Variants in FRMPD3 observed in about 807,000 individuals in gnomAD.
The protein encoded by FRMPD3 is FERM and PDZ domain containing 3.
FRMPD3 carries 42 observed loss-of-function variants against 97.9 expected under a neutral mutation model. That is an observed-to-expected ratio of 0.43 (90% CI 0.34 to 0.55). The LOEUF (loss-of-function observed/expected upper bound fraction) is 0.55, where lower values mean the gene tolerates loss of function less well. FRMPD3 is among the 20% of genes least tolerant of loss of function. FRMPD3 has a pLI of 0.03. For synonymous variants in FRMPD3, 577 were observed against 581.1 expected (o/e 0.99, Z 0.10); for missense variants, 1,303 against 1,457.7 (o/e 0.89, Z 1.73).
chrX:107,561,607 A>G (rs753047959), intron 10 of FRMPD3, among the ~76,000 whole-genome samples: 1 of 111,734 alleles, frequency 8.9e-6, no homozygotes, highest in African/African-American at 3.2e-5. Flanking sequence ...GTAAGATTCA[A>G]TCTGCCTGTG....
intron 8 of FRMPD3, among the ~76,000 whole-genome samples, chrX:107,557,175 G>A (rs746561005): frequency 2.7e-5 from 3 of 111,093 alleles, no homozygotes; most frequent in Non-Finnish European, 5.7e-5. Context: ...CTGATAGTGC[G>A]TAGTGGCATC....
intron 4 of FRMPD3, among the ~76,000 whole-genome samples, chrX:107,534,516 T>C (rs775884930): frequency 9.0e-6 from 1 of 110,904 alleles, no homozygotes; most frequent in East Asian, 2.8e-4. Flanking sequence ...AGATTTTCCA[T>C]AGAGAGATGA....
intron 1 of FRMPD3, among the ~76,000 whole-genome samples, chrX:107,474,996 T>C (rs759754187): frequency 2.1e-4 from 23 of 111,620 alleles, no homozygotes; most frequent in Non-Finnish European, 4.3e-4. Context: ...TTCAAAATCT[T>C]ATTTTAGAGT....
chrX:107,522,264 C>T (rs1423776109), intron 1 of FRMPD3, among the ~76,000 whole-genome samples: 2 of 112,019 alleles, frequency 1.8e-5, no homozygotes, highest in African/African-American at 3.2e-5. Context: ...TCAATAACAT[C>T]GCCACCTCTA....
chrX:107,505,194 A>G (rs990112500), intron 1 of FRMPD3, among the ~76,000 whole-genome samples: 1 of 112,227 alleles, frequency 8.9e-6, no homozygotes, highest in Admixed American at 9.4e-5. Flanking sequence ...GCTCCTTCAC[A>G]TCTATTATCT....
chrX:107,465,560 A>C (rs1167220462), intron 1 of FRMPD3, among the ~76,000 whole-genome samples: 1 of 111,898 alleles, frequency 8.9e-6, no homozygotes, highest in Non-Finnish European at 1.9e-5. Context: ...AGCACACACA[A>C]AAAAAGTATT....
chrX:107,545,926 TG>T (rs1393054214), intron 5 of FRMPD3, 85 bp downstream of exon 5: 4 of 737,106 alleles, frequency 5.4e-6, no homozygotes, highest in Non-Finnish European at 8.2e-6. Flanking sequence ...CTTCTTATAG[TG>T]GACAGCTTTC....
chrX:107,562,115 G>A (rs1922395864), intron 10 of FRMPD3, among the ~76,000 whole-genome samples: 1 of 112,566 alleles, frequency 8.9e-6, no homozygotes, highest in African/African-American at 3.2e-5. Flanking sequence ...CATGGGTCAT[G>A]GGAGGAAGTG....
At chrX:107,578,766 G>A (rs766642109) in intron 13 of FRMPD3, among the ~76,000 whole-genome samples, 5 of 111,104 alleles carry the variant, frequency 4.5e-5, no homozygotes, top group Non-Finnish European at 9.4e-5. Context: ...TTAAATCTTG[G>A]GCCCTGTTAC....
intron 3 of FRMPD3, among the ~76,000 whole-genome samples, chrX:107,531,636 C>T (rs895271519): frequency 9.0e-6 from 1 of 111,575 alleles, no homozygotes; most frequent in African/African-American, 3.3e-5. Flanking sequence ...CAGCTCAATA[C>T]CATGAAATGT....
chrX:107,545,800 G>T lies in FRMPD3; in HGVS notation c.361G>T (p.Val121Phe). 1 of 1,210,439 alleles carries T rather than the reference G, an allele frequency of 8.3e-7. No homozygotes were observed. Among genetic ancestry groups the T allele is most frequent in the Non-Finnish European group, 1.1e-6 (1 of 895,072 alleles). Residue 121 changes from valine to phenylalanine, a missense_variant, in exon 5 of 15, where the codon GTT becomes TTT. By Grantham distance (50) the Val-to-Phe change is conservative. Around this residue, in one of 3 missense-constraint regions of FRMPD3, gnomAD observed 535 missense variants for 618.6 expected, o/e 0.86. Transcript: ENST00000683843. ...CAAGTTGAGGTCCAATCCTGTGAAG[G>T]TTCGATTTTCTGAGCAGGTGGCAGT... Reference protein sequence around the residue: ...KAKLRSNPVKVRFSEQVAVGE... With the variant: ...KAKLRSNPVKFRFSEQVAVGE...
chrX:107,568,892 T>C (rs1602830411), intron 12 of FRMPD3, among the ~76,000 whole-genome samples: 1 of 106,965 alleles, frequency 9.3e-6, no homozygotes, highest in South Asian at 4.1e-4. Flanking sequence ...GACCCTGTTC[T>C]CCACAAAAAT....
chrX:107,532,285 G>A (rs751049974), intron 3 of FRMPD3, among the ~76,000 whole-genome samples: 14 of 112,686 alleles, frequency 1.2e-4, no homozygotes, highest in Admixed American at 5.6e-4. Context: ...CTTGAAGGAG[G>A]AGAAGGTGTT....
At position 107,545,846 on chromosome X, in the gene FRMPD3, G is replaced by T. The variant is rs770243746; in HGVS notation, c.402+5G>T. The T allele has an allele frequency of 1.2e-5, 14 of 1,179,544 alleles. No individual in the cohort carries two copies. The highest frequency in any genetic ancestry group is 1.6e-5 in the Non-Finnish European group (14 of 868,908). On this transcript the variant is annotated splice_donor_5th_base_variant and intron_variant, in intron 5 of 14. Transcript: ENST00000683843. The stretch of plus-strand genomic sequence containing the variant: ...GCAGTTGGAGAAACAGATGCAGTAA[G>T]TGTAGCTTTGGCTCCCTCTCCTCAG...
Position 107,560,303 on chromosome X carries a change from C to T in FRMPD3, c.809C>T (p.Pro270Leu). The part of the protein sequence containing the change: ...IRERFGMDPK[P>L]EMLLGLAALH... The stretch of plus-strand genomic sequence containing the variant: ...GAACGCTTTGGAATGGATCCCAAGC[C>T]AGAGATGCTTTTGGGCCTTGCTGCG... Residue 270 changes from proline (P) to leucine (L), a missense_variant, in exon 9 of 15, where the codon CCA becomes CTA. Physicochemically the swap from Pro to Leu is moderately conservative, Grantham distance 98. Transcript: ENST00000683843. 1.7e-6 allele frequency: 2 copies of T among 1,208,933 alleles called. No individual in the cohort carries two copies. The highest frequency in any genetic ancestry group is 3.5e-5 in the African/African-American group (2 of 57,362).
At chrX:107,565,852 G>T (rs1177659567) in intron 12 of FRMPD3, among the ~76,000 whole-genome samples, 2 of 112,121 alleles carry the variant, frequency 1.8e-5, no homozygotes, top group African/African-American at 6.5e-5. Flanking sequence ...CTATAGGAAT[G>T]AATATCTTGG....
chrX:107,546,140 T>C (rs1755518461), intron 5 of FRMPD3, among the ~76,000 whole-genome samples: 2 of 111,712 alleles, frequency 1.8e-5, no homozygotes, highest in South Asian at 7.6e-4. Flanking sequence ...ATAAACATCT[T>C]TTGCTACTTG....
rs981602550 is a variant in FRMPD3 at position 107,483,439 on chromosome X, A to G, written c.-8+33434A>G. ...TAACTTCCCCCACTGAGGCTCTTCCAGTGTACCCTGGACCCAGGCTGAGAC... is the reference window on the plus strand; with the variant it reads ...TAACTTCCCCCACTGAGGCTCTTCCGGTGTACCCTGGACCCAGGCTGAGAC... On this transcript the variant is annotated intron_variant, in intron 1 of 14. Transcript: ENST00000683843. 2.7e-5 allele frequency among the ~76,000 whole-genome samples: 3 copies of G among 112,229 alleles called. No individual in the cohort carries two copies. In the South Asian group the frequency reaches 1.1e-3, roughly 42 times the overall value.
intron 7 of FRMPD3, 77 bp from the exon 8 acceptor site, chrX:107,554,308 C>A: frequency 7.4e-6 from 8 of 1,074,822 alleles, no homozygotes; most frequent in Non-Finnish European, 1.0e-5. Context: ...CTTAAAGAGC[C>A]ACTGAGCTGC....
Sources: gnomAD v4.1 joint callset for allele counts (sites outside exome capture counted in the v4.1 genomes callset) on GRCh38, gnomAD v4.1.1 for gene constraint, gnomAD v4.1.1 regional missense constraint, MANE v1.5 for transcripts, NCBI Gene and HGNC (gene_info 2026-07-23, HGNC 2026-07-21) for gene names.